The following MAP2K5 variants were observed in gnomAD, a reference collection of about 807,000 sequenced individuals.
MAP2K5 encodes mitogen-activated protein kinase kinase 5, also known as dual specificity mitogen-activated protein kinase kinase 5.
Under a neutral mutation model 83.1 loss-of-function variants are expected in MAP2K5, and 49 were observed. That is an observed-to-expected ratio of 0.59 (90% CI 0.47 to 0.75). MAP2K5 has a LOEUF of 0.75. Among genes scored for constraint, MAP2K5 ranks in the 30% least tolerant of loss-of-function variants. The pLI is 0.00. For missense variants in MAP2K5, 457 were observed against 557.5 expected, an observed-to-expected ratio of 0.82 and a Z score of 1.82; for synonymous variants, 202 against 191.8, an observed-to-expected ratio of 1.05 and a Z score of -0.44.
chr15:67,660,147 T>C (rs1321853252), intron 12 of MAP2K5, among the ~76,000 whole-genome samples: 3 of 151,040 alleles, frequency 2.0e-5, no homozygotes, highest in African/African-American at 4.9e-5. Context: ...CATCAGGTCA[T>C]AGTAATGAAA....
Position 67,760,087 on chromosome 15 carries a change from TCA to T in MAP2K5, c.1135-9514_1135-9513del, listed in dbSNP as rs1233891039. ...AAAAGTCCAGTGTGTTTAAATTAAT[TCA>T]GTTTGGCTGGTTTGAAAATTGAAAA... On this transcript the variant is annotated intron_variant, in intron 19 of 21. Transcript: ENST00000178640. The surrounding 1 kb of genome is among the most constrained non-coding windows in gnomAD (Gnocchi z 4.1). Among the ~76,000 whole-genome samples the T allele has an allele frequency of 6.6e-6, 1 of 152,230 alleles. No individual in the cohort carries two copies. Among genetic ancestry groups the T allele is most frequent in the African/African-American group, 2.4e-5 (1 of 41,474 alleles).
chr15:67,752,710 G>A (rs2089749263), intron 19 of MAP2K5, among the ~76,000 whole-genome samples: 1 of 151,348 alleles, frequency 6.6e-6, no homozygotes, highest in Non-Finnish European at 1.5e-5. Context: ...AGAAAGAAAT[G>A]GAAAGACATT....
In MAP2K5 at chr15:67,643,982, C is replaced by T. The variant is rs532900871; in HGVS notation, c.586-2249C>T. On this transcript the variant is annotated intron_variant, in intron 9 of 21. Transcript: ENST00000178640. Reference sequence around the variant, plus strand: ...TTCAAAGTTGAATGCTACATAACTACACTATCATAGTAATTCTGAATGTTA... The same window carrying T: ...TTCAAAGTTGAATGCTACATAACTATACTATCATAGTAATTCTGAATGTTA... Among the ~76,000 whole-genome samples, 49 of 152,304 alleles carry T rather than the reference C, an allele frequency of 3.2e-4. No individual in the cohort carries two copies. In the South Asian group the frequency reaches 9.3e-3, roughly 29 times the overall value.
At chr15:67,670,433 G>A (rs1206234784) in intron 13 of MAP2K5, 1 of 455,768 alleles carries the variant, frequency 2.2e-6, no homozygotes, top group South Asian at 1.6e-5. Flanking sequence ...ACAAAGACCT[G>A]TGCACCTGAA....
chr15:67,751,118 C>T (rs1239870578), intron 19 of MAP2K5, among the ~76,000 whole-genome samples: 1 of 152,044 alleles, frequency 6.6e-6, no homozygotes, highest in East Asian at 1.9e-4. Context: ...AATGTTAGAG[C>T]CACTCTGGGA....
At chr15:67,792,039 C>A (rs2090527189) in intron 21 of MAP2K5, among the ~76,000 whole-genome samples, 1 of 152,206 alleles carries the variant, frequency 6.6e-6, no homozygotes, top group South Asian at 2.1e-4. Context: ...AGGGCCAGGT[C>A]TCTGCTCACC....
chr15:67,645,689 G>A (rs1452833729), intron 9 of MAP2K5, among the ~76,000 whole-genome samples: 1 of 151,634 alleles, frequency 6.6e-6, no homozygotes, highest in African/African-American at 2.4e-5. Flanking sequence ...AAGTAGATTG[G>A]GACCACCCGA....
Position 67,719,258 on chromosome 15 carries a change from G to A in MAP2K5, c.1045-8658G>A, listed in dbSNP as rs1263953168. ...CAGTGATACGTAAGAGGGCCTTGTC[G>A]GTTAAGACCATCAGATCCTAATACT... On this transcript the variant is annotated intron_variant, in intron 16 of 21. Transcript: ENST00000178640. This position sits in a 1 kb window ranked among gnomAD's most constrained non-coding sequence, Gnocchi z 4.6. Among the ~76,000 whole-genome samples the A allele has an allele frequency of 1.3e-5, 2 of 152,142 alleles. No homozygotes were observed. Among genetic ancestry groups the A allele is most frequent in the South Asian group, 2.1e-4 (1 of 4,822 alleles).
Position 67,672,233 on chromosome 15 carries a change from G to A in MAP2K5, c.847+7588G>A, listed in dbSNP as rs572595938. On this transcript the variant is annotated intron_variant, in intron 13 of 21. Coordinates refer to ENST00000178640, the MANE Select transcript of MAP2K5 (RefSeq NM_145160.3). ...TCTAGTTCTAGATCCCTGAGGAATC[G>A]CCACACTGACTTCCACAATGGTTGA... 1.1e-4 allele frequency among the ~76,000 whole-genome samples: 17 copies of A among 149,508 alleles called. No homozygotes were observed. The East Asian group carries it at 2.6e-3, about 23-fold the overall frequency.
At chr15:67,706,226 ACT>A (rs2088550777) in intron 16 of MAP2K5, among the ~76,000 whole-genome samples, 1 of 151,870 alleles carries the variant, frequency 6.6e-6, no homozygotes, top group African/African-American at 2.4e-5. Context: ...ATAAAAAGAG[ACT>A]CTTTGTAGTG....
Position 67,748,260 on chromosome 15 carries a change from A to G in MAP2K5, c.1101+3A>G. 6.2e-7 allele frequency: 1 copy of G among 1,605,452 alleles called. No homozygotes were observed. The highest frequency in any genetic ancestry group is 8.5e-7 in the Non-Finnish European group (1 of 1,172,946). On this transcript the variant is annotated splice_donor_region_variant and intron_variant, in intron 18 of 21. Transcript: ENST00000178640. This position sits in a 1 kb window ranked among gnomAD's most constrained non-coding sequence, Gnocchi z 4.0. ...AGAAAAACCAGGGATCTTTAATGGT[A>G]AGCTTTATGAGTTCAGAAAAAAATT... is the stretch of plus-strand genomic sequence containing the variant.
intron 11 of MAP2K5, among the ~76,000 whole-genome samples, chr15:67,657,744 G>A (rs1567340641): frequency 6.6e-6 from 1 of 151,628 alleles, no homozygotes; most frequent in Non-Finnish European, 1.5e-5. Context: ...ATATGCATGT[G>A]TCTATATGCA....
intron 17 of MAP2K5, among the ~76,000 whole-genome samples, chr15:67,741,509 C>G (rs1215058520): frequency 1.3e-5 from 2 of 152,132 alleles, no homozygotes; most frequent in Non-Finnish European, 2.9e-5. Context: ...CAACCAAAGG[C>G]CTTAGGCTGC....
At chr15:67,723,198 T>C (rs1410747183) in intron 16 of MAP2K5, among the ~76,000 whole-genome samples, 1 of 152,236 alleles carries the variant, frequency 6.6e-6, no homozygotes, top group Non-Finnish European at 1.5e-5. Flanking sequence ...GCTTTGTCAA[T>C]AAATAACTTC....
intron 11 of MAP2K5, among the ~76,000 whole-genome samples, chr15:67,655,282 C>A (rs1212524845): frequency 6.6e-6 from 1 of 152,264 alleles, no homozygotes; most frequent in East Asian, 1.9e-4. Flanking sequence ...ATGCAGTTAC[C>A]TTTACCAGTG....
chr15:67,672,625 G>A (rs1443942931), intron 13 of MAP2K5, among the ~76,000 whole-genome samples: 11 of 150,440 alleles, frequency 7.3e-5, no homozygotes, highest in African/African-American at 2.7e-4. Flanking sequence ...TGTTCACTCT[G>A]ATGGTAGTTT....
rs2086630141 is a variant in MAP2K5, at chr15:67,637,634, A to T, written c.585+6707A>T. On this transcript the variant is annotated intron_variant, in intron 9 of 21. Transcript: ENST00000178640. This position sits in a 1 kb window ranked among gnomAD's most constrained non-coding sequence, Gnocchi z 4.5. ...TCATTACTCAGCTGAAGACTCCAGGACCCCCTCGGCAGACCTCTGGAGCTC... is the reference window on the plus strand; with the variant it reads ...TCATTACTCAGCTGAAGACTCCAGGTCCCCCTCGGCAGACCTCTGGAGCTC... Among the ~76,000 whole-genome samples, 1 of 151,878 alleles carries T rather than the reference A, an allele frequency of 6.6e-6. No individual in the cohort carries two copies. The highest frequency in any genetic ancestry group is 1.5e-5 in the Non-Finnish European group (1 of 67,972).
intron 8 of MAP2K5, among the ~76,000 whole-genome samples, chr15:67,601,149 T>G (rs2085649902): frequency 6.6e-6 from 1 of 152,202 alleles, no homozygotes; most frequent in African/African-American, 2.4e-5. Context: ...ACCATTGCTT[T>G]GCCCTGTGTC....
intron 8 of MAP2K5, among the ~76,000 whole-genome samples, chr15:67,612,726 C>T (rs1184650340): frequency 6.6e-6 from 1 of 152,150 alleles, no homozygotes; most frequent in East Asian, 1.9e-4. Context: ...CTGACAAAAG[C>T]CATTTCTTTG....
Sources: allele counts gnomAD v4.1 joint callset (sites outside exome capture counted in the v4.1 genomes callset), GRCh38; gene constraint gnomAD v4.1.1; non-coding constraint Gnocchi (gnomAD v3.1); transcripts MANE v1.5; gene names NCBI Gene and HGNC (gene_info 2026-07-23, HGNC 2026-07-21).